Variants in GALNT13 observed in about 807,000 individuals in gnomAD.
The protein encoded by GALNT13 is UDP-GalNAc:polypeptide N-acetylgalactosaminyltransferase 13.
GALNT13 carries 28 observed loss-of-function variants against 64.2 expected under a neutral mutation model. The observed-to-expected ratio is 0.44, with a 90% CI of 0.32 to 0.60. GALNT13 has a LOEUF of 0.60. Ranked by LOEUF, GALNT13 falls within the 20% of genes least tolerant of loss-of-function variation. GALNT13 has a pLI of 0.05. For missense variants in GALNT13, 577 were observed against 669.8 expected, an observed-to-expected ratio of 0.86 and a Z score of 1.53; for synonymous variants, 214 against 224.6, an observed-to-expected ratio of 0.95 and a Z score of 0.42.
chr2:154,060,593 T>G (rs1209942148), intron 3 of GALNT13, among the ~76,000 whole-genome samples: 1 of 152,112 alleles, frequency 6.6e-6, no homozygotes, highest in African/African-American at 2.4e-5. Context: ...TGAGTGCAAG[T>G]GATTTCCCCG....
At chr2:154,287,828 T>C (rs1463733224) in intron 8 of GALNT13, among the ~76,000 whole-genome samples, 2 of 152,054 alleles carry the variant, frequency 1.3e-5, no homozygotes, top group Non-Finnish European at 2.9e-5. Context: ...TCCTATTTCT[T>C]CATTTTCCTT....
chr2:154,188,537 G>A (rs1487030406), intron 4 of GALNT13, among the ~76,000 whole-genome samples: 1 of 152,092 alleles, frequency 6.6e-6, no homozygotes, highest in Non-Finnish European at 1.5e-5. Context: ...TGTGAGCCTA[G>A]CAAAGCTTTG....
intron 7 of GALNT13, among the ~76,000 whole-genome samples, chr2:154,251,793 C>A (rs1442467882): frequency 3.3e-5 from 5 of 152,136 alleles, no homozygotes; most frequent in Non-Finnish European, 5.9e-5. Flanking sequence ...TGCTTCCTTT[C>A]TCTTTCCTCT....
the GALNT13 span, among the ~76,000 whole-genome samples, chr2:153,812,000 A>T: frequency 6.6e-6 from 1 of 152,230 alleles, no homozygotes; most frequent in Non-Finnish European, 1.5e-5. Context: ...ATATGTTTGC[A>T]TTCCTTTAGC....
At chr2:154,442,536 C>T (rs1701351594) in intron 12 of GALNT13, among the ~76,000 whole-genome samples, 3 of 151,994 alleles carry the variant, frequency 2.0e-5, no homozygotes, top group Admixed American at 2.0e-4. Context: ...TGCACAAACC[C>T]TTCTGTGCCA....
At chr2:153,169,604 A>G in the GALNT13 span, among the ~76,000 whole-genome samples, 2 of 152,070 alleles carry the variant, frequency 1.3e-5, no homozygotes, top group African/African-American at 4.8e-5. Flanking sequence ...ACCACTGAAA[A>G]CCACAAACAC....
At chr2:153,177,404 A>G in the GALNT13 span, among the ~76,000 whole-genome samples, 13 of 152,146 alleles carry the variant, frequency 8.5e-5, no homozygotes, top group African/African-American at 3.1e-4. Context: ...GGAATGATGT[A>G]TTGCTAGGAT....
At chr2:154,154,082 A>G (rs66831103) in intron 4 of GALNT13, among the ~76,000 whole-genome samples, 19,860 of 152,080 alleles carry the variant, frequency 0.13, 1,430 homozygotes, top group South Asian at 0.21. Context: ...TGGCTGCTTC[A>G]GTGTGTTCTT....
chr2:153,636,024 T>C, the GALNT13 span, among the ~76,000 whole-genome samples: 4 of 152,128 alleles, frequency 2.6e-5, no homozygotes, highest in Non-Finnish European at 5.9e-5. Context: ...GAAGAGGAAA[T>C]TCCGAACTCC....
At chr2:153,649,443 GT>G in the GALNT13 span, among the ~76,000 whole-genome samples, 2 of 150,672 alleles carry the variant, frequency 1.3e-5, no homozygotes, top group African/African-American at 2.4e-5. Context: ...TTTTTGAAGG[GT>G]TTTTTGTGTC....
At chr2:154,329,786 TA>T (rs70983719) in intron 9 of GALNT13, among the ~76,000 whole-genome samples, 29,911 of 151,410 alleles carry the variant, frequency 0.2, 3,384 homozygotes, top group Middle Eastern at 0.36. Context: ...AGCTGGTTGT[TA>T]AAAAAAAGCC....
intron 4 of GALNT13, among the ~76,000 whole-genome samples, chr2:154,189,292 T>C (rs1282543255): frequency 2.0e-5 from 3 of 152,070 alleles, no homozygotes; most frequent in African/African-American, 7.2e-5. Context: ...ATGGACTGAA[T>C]GTTTATGTCC....
At chr2:153,196,200 C>T in the GALNT13 span, among the ~76,000 whole-genome samples, 1 of 152,186 alleles carries the variant, frequency 6.6e-6, no homozygotes, top group Non-Finnish European at 1.5e-5. Flanking sequence ...TGGGGACCCA[C>T]CTGTTTCCGC....
At chr2:154,262,398 C>CTATAAT (rs1690748008) in intron 8 of GALNT13, among the ~76,000 whole-genome samples, 1 of 152,174 alleles carries the variant, frequency 6.6e-6, no homozygotes, top group Non-Finnish European at 1.5e-5. Flanking sequence ...CTTCTCTCGT[C>CTATAAT]TATAATCTTA....
chr2:153,534,512 C>CTT, the GALNT13 span, among the ~76,000 whole-genome samples: 2 of 136,648 alleles, frequency 1.5e-5, no homozygotes. Context: ...AGTTAGGCCC[C>CTT]TCTTTCTTTC....
the GALNT13 span, among the ~76,000 whole-genome samples, chr2:153,647,363 T>A: frequency 6.6e-6 from 1 of 152,208 alleles, no homozygotes; most frequent in African/African-American, 2.4e-5. Flanking sequence ...TTCTGGATAT[T>A]AGCCCTTTGT....
At chr2:153,144,502 A>T in the GALNT13 span, among the ~76,000 whole-genome samples, 1 of 151,868 alleles carries the variant, frequency 6.6e-6, no homozygotes, top group African/African-American at 2.4e-5. Flanking sequence ...TCTGTAGAGA[A>T]CTCCAGAAGT....
intron 3 of GALNT13, among the ~76,000 whole-genome samples, chr2:154,077,992 A>G (rs940317631): frequency 6.6e-6 from 1 of 151,586 alleles, no homozygotes; most frequent in Non-Finnish European, 1.5e-5. Flanking sequence ...CATGTATCAG[A>G]TTAACAGCAG....
intron 3 of GALNT13, among the ~76,000 whole-genome samples, chr2:154,110,897 C>G (rs561961205): frequency 4.0e-4 from 61 of 152,218 alleles, no homozygotes; most frequent in South Asian, 1.9e-3. Context: ...TAACATAATA[C>G]CTTGTACATC....
Sources: gnomAD v4.1 joint callset for allele counts (sites outside exome capture counted in the v4.1 genomes callset) on GRCh38, gnomAD v4.1.1 for gene constraint, MANE v1.5 for transcripts, NCBI Gene and HGNC (gene_info 2026-07-23, HGNC 2026-07-21) for gene names.